The following ANKRD66 variants were observed in gnomAD, a reference collection of about 807,000 sequenced individuals.
ANKRD66 encodes ankyrin repeat domain 66, also known as ankyrin repeat domain-containing protein 66.
In ANKRD66, 10 loss-of-function variants were observed where a neutral mutation model predicts 10.9. The observed-to-expected ratio is 0.91, with a 90% CI of 0.56 to 1.55. The LOEUF (loss-of-function observed/expected upper bound fraction) is 1.55. Ranked by LOEUF, ANKRD66 falls within the 40% of genes most tolerant of loss-of-function variation. The pLI is 0.00. For missense variants in ANKRD66, 252 were observed against 242.9 expected (o/e 1.04, Z -0.25); for synonymous variants, 85 against 88.4 (o/e 0.96, Z 0.22).
chr6:46,749,567 C>T (rs115121664), intron 1 of ANKRD66, among the ~76,000 whole-genome samples: 1 of 103,084 alleles, frequency 9.7e-6, no homozygotes, highest in African/African-American at 3.9e-5. Context: ...CCCCCCCCCC[C>T]GCTTTTTTCT....
intron 3 of ANKRD66, 127 bp downstream of exon 3, chr6:46,752,238 T>C (rs1483426407): frequency 8.8e-7 from 1 of 1,134,936 alleles, no homozygotes; most frequent in Non-Finnish European, 1.2e-6. Flanking sequence ...TTCATTTCAT[T>C]TTTTTTCTTT....
chr6:46,754,017 G>A (rs1766322714), intron 4 of ANKRD66, 67 bp downstream of exon 4: 1 of 1,356,554 alleles, frequency 7.4e-7, no homozygotes, highest in Non-Finnish European at 1.0e-6. Context: ...AAGATCTTGG[G>A]TGATTCTGTG....
At chr6:46,749,795 CTT>C in intron 1 of ANKRD66, 99 bp from the exon 2 acceptor site, 1 of 1,394,632 alleles carries the variant, frequency 7.2e-7, no homozygotes, top group Non-Finnish European at 9.5e-7. Context: ...AGAGAAAGCT[CTT>C]TTACTTTCCG....
chr6:46,749,808 G>A (rs1194391705), intron 1 of ANKRD66, 88 bp from the exon 2 acceptor site: 1 of 1,436,636 alleles, frequency 7.0e-7, no homozygotes, highest in East Asian at 2.7e-5. Flanking sequence ...TTACTTTCCG[G>A]TCTTTGTGAA....
chr6:46,751,186 A>G (rs1766261629), intron 2 of ANKRD66, among the ~76,000 whole-genome samples: 1 of 152,214 alleles, frequency 6.6e-6, no homozygotes, highest in Non-Finnish European at 1.5e-5. Context: ...GCCTTGCTTC[A>G]TGCTAAGGTA....
At chr6:46,751,692 A>G (rs947182292) in intron 2 of ANKRD66, among the ~76,000 whole-genome samples, 13 of 152,210 alleles carry the variant, frequency 8.5e-5, no homozygotes, top group African/African-American at 3.1e-4. Flanking sequence ...GAGGCCAGGT[A>G]GCCCGTGAGT....
At chr6:46,749,561 C>CT (rs1178843063) in intron 1 of ANKRD66, among the ~76,000 whole-genome samples, 1 of 93,800 alleles carries the variant, frequency 1.1e-5, no homozygotes, top group Non-Finnish European at 2.1e-5. Flanking sequence ...CCCCCCCCCC[C>CT]CCCCCCGCTT....
chr6:46,756,722 C>T (rs1220219497), intron 4 of ANKRD66: 1 of 152,204 alleles, frequency 6.6e-6, no homozygotes, highest in Admixed American at 6.5e-5. Flanking sequence ...TCAATTGCCT[C>T]TTCTCAATTC....
At chr6:46,750,705 G>A (rs1397100272) in intron 2 of ANKRD66, among the ~76,000 whole-genome samples, 1 of 148,486 alleles carries the variant, frequency 6.7e-6, no homozygotes, top group Admixed American at 6.7e-5. Context: ...ATACGTGTGT[G>A]TACATATAAT....
chr6:46,749,781 T>A, intron 1 of ANKRD66, 115 bp from the exon 2 acceptor site: 1 of 1,331,482 alleles, frequency 7.5e-7, no homozygotes, highest in East Asian at 2.8e-5. Context: ...CTTAGGCCAC[T>A]TTTAGAGAAA....
At chr6:46,750,031 G>A (rs1766234127) in intron 2 of ANKRD66, 52 bp downstream of exon 2, 4 of 826,676 alleles carry the variant, frequency 4.8e-6, no homozygotes, top group Non-Finnish European at 5.9e-6. Context: ...GTTCCCAGGG[G>A]CTGCTGCTGC....
intron 1 of ANKRD66, among the ~76,000 whole-genome samples, chr6:46,747,819 A>T (rs1766181918): frequency 6.6e-6 from 1 of 152,202 alleles, no homozygotes; most frequent in African/African-American, 2.4e-5. Context: ...AGCTCATTGG[A>T]ATACTCAGAC....
Position 46,752,052 on chromosome 6 carries a change from C to G in ANKRD66, c.104C>G (p.Pro35Arg). 2.6e-6 allele frequency: 4 copies of G among 1,537,774 alleles called. No homozygotes were observed. The highest frequency in any genetic ancestry group is 3.5e-6 in the Non-Finnish European group (4 of 1,141,132). The change falls in exon 3 of 5, where the codon CCA (proline) becomes CGA (arginine). Residue 35 changes from proline to arginine, a missense_variant. Transcript: ENST00000565422. ...KKILKKGLCD[P>R]NYKDVDWNDR... ...ATTTTGAAGAAAGGTCTCTGTGACCCAAACTACAAAGATGTAGACTGGAAT... is the reference window on the plus strand; with the variant it reads ...ATTTTGAAGAAAGGTCTCTGTGACCGAAACTACAAAGATGTAGACTGGAAT...
intron 4 of ANKRD66, chr6:46,758,493 T>G: frequency 2.5e-6 from 1 of 392,296 alleles, no homozygotes; most frequent in Non-Finnish European, 4.5e-6. Flanking sequence ...GCTGAGTGAC[T>G]ATCTTTGAGT....
intron 3 of ANKRD66, among the ~76,000 whole-genome samples, chr6:46,752,935 T>C (rs1201716288): frequency 2.0e-5 from 3 of 152,264 alleles, no homozygotes; most frequent in African/African-American, 7.2e-5. Context: ...GAAAGTGCTA[T>C]GGTCAACTTT....
At chr6:46,751,603 AACTT>A (rs921974807) in intron 2 of ANKRD66, among the ~76,000 whole-genome samples, 7 of 152,162 alleles carry the variant, frequency 4.6e-5, no homozygotes, top group East Asian at 1.9e-4. Context: ...CTTACTTACT[AACTT>A]ACTTACTTAC....
At chr6:46,750,997 A>G (rs992142819) in intron 2 of ANKRD66, among the ~76,000 whole-genome samples, 2 of 152,206 alleles carry the variant, frequency 1.3e-5, no homozygotes, top group African/African-American at 4.8e-5. Context: ...CTAAACATGC[A>G]CACATTTCAT....
rs1187864326 is a variant in ANKRD66, at chr6:46,755,060, CTT to C, written c.392+1111_392+1112del. ...CCAGGTCTTGAATTCATCAAGATCTCTTGTCACTCAACTTCTCCTTTTTCTCC... is the reference window on the plus strand; with the variant it reads ...CCAGGTCTTGAATTCATCAAGATCTCGTCACTCAACTTCTCCTTTTTCTCC... On this transcript the variant is annotated intron_variant, in intron 4 of 4. Coordinates refer to ENST00000565422, the MANE Select transcript of ANKRD66 (RefSeq NM_001162435.3). Among the ~76,000 whole-genome samples the C allele has an allele frequency of 1.2e-4, 19 of 152,314 alleles. No individual in the cohort carries two copies. In the East Asian group the frequency reaches 3.7e-3, roughly 29 times the overall value.
At chr6:46,748,484 C>A (rs1403529817) in intron 1 of ANKRD66, among the ~76,000 whole-genome samples, 1 of 152,154 alleles carries the variant, frequency 6.6e-6, no homozygotes. Context: ...TAGTGGCACC[C>A]TCAGATTAGA....
Sources: gnomAD v4.1 joint callset for allele counts (sites outside exome capture counted in the v4.1 genomes callset) on GRCh38, gnomAD v4.1.1 for gene constraint, MANE v1.5 for transcripts, NCBI Gene and HGNC (gene_info 2026-07-23, HGNC 2026-07-21) for gene names.